TOP6BL: variants seen among roughly 807,000 people sequenced by gnomAD.
TOP6BL encodes TOP6B like initiator of meiotic double strand breaks, also known as type 2 DNA topoisomerase 6 subunit B-like.
the TOP6BL span, chr11:66,801,154 G>A: frequency 6.4e-7 from 1 of 1,550,562 alleles, no homozygotes; most frequent in African/African-American, 1.4e-5. Context: ...CTCCTCTCGA[G>A]TACGAATGTG....
At chr11:66,822,739 C>G in the TOP6BL span, 1 of 1,153,970 alleles carries the variant, frequency 8.7e-7, no homozygotes, top group East Asian at 2.6e-5. Flanking sequence ...TACGGTGGCT[C>G]ATGCCTATAA....
the TOP6BL span, chr11:66,800,688 G>C: frequency 2.5e-6 from 4 of 1,604,380 alleles, no homozygotes; most frequent in Non-Finnish European, 3.4e-6. Flanking sequence ...TCTCCACAGA[G>C]ATCTTTGGGT....
At chr11:66,792,308 C>T in the TOP6BL span, among the ~76,000 whole-genome samples, 1 of 152,186 alleles carries the variant, frequency 6.6e-6, no homozygotes, top group Non-Finnish European at 1.5e-5. Context: ...ATAAATTAGT[C>T]TGTCTCATCT....
At chr11:66,750,932 T>G in the TOP6BL span, among the ~76,000 whole-genome samples, 2 of 151,868 alleles carry the variant, frequency 1.3e-5, no homozygotes, top group Non-Finnish European at 2.9e-5. Flanking sequence ...CTGAAACCCC[T>G]GGGCTCAAGC....
chr11:66,839,315 G>A, the TOP6BL span: 4 of 406,426 alleles, frequency 9.8e-6, no homozygotes, highest in Non-Finnish European at 2.0e-5. Context: ...GGAAATTGAG[G>A]CCCACAGATA....
chr11:66,830,415 G>A, the TOP6BL span, among the ~76,000 whole-genome samples: 1 of 152,066 alleles, frequency 6.6e-6, no homozygotes, highest in East Asian at 1.9e-4. Context: ...AGTATTTAGA[G>A]GGGAAAATGC....
the TOP6BL span, among the ~76,000 whole-genome samples, chr11:66,746,707 T>C: frequency 6.7e-6 from 1 of 148,620 alleles, no homozygotes; most frequent in African/African-American, 2.5e-5. Context: ...AGAGCAAAAC[T>C]CCATCTCAAA....
At chr11:66,753,533 A>G in the TOP6BL span, among the ~76,000 whole-genome samples, 1 of 150,382 alleles carries the variant, frequency 6.6e-6, no homozygotes, top group Non-Finnish European at 1.5e-5. Context: ...CAGCCTCCCG[A>G]GTAGCTGGGA....
At chr11:66,801,015 T>A in the TOP6BL span, 3 of 1,612,670 alleles carry the variant, frequency 1.9e-6, no homozygotes, top group African/African-American at 4.0e-5. Flanking sequence ...TGGCTTAGCT[T>A]TGCTTTGCTT....
At chr11:66,789,646 A>C in the TOP6BL span, among the ~76,000 whole-genome samples, 1 of 152,196 alleles carries the variant, frequency 6.6e-6, no homozygotes, top group East Asian at 1.9e-4. Context: ...CAATTCTAGG[A>C]AATGAGGTTC....
the TOP6BL span, among the ~76,000 whole-genome samples, chr11:66,838,122 C>T: frequency 6.6e-6 from 1 of 152,134 alleles, no homozygotes; most frequent in Non-Finnish European, 1.5e-5. Context: ...CAGGCAGTAG[C>T]CAAGAGACTG....
At chr11:66,801,045 C>T in the TOP6BL span, 1 of 1,613,778 alleles carries the variant, frequency 6.2e-7, no homozygotes, top group Non-Finnish European at 8.5e-7. Flanking sequence ...GAGAATGAAC[C>T]CACTTTGAAC....
At chr11:66,791,577 A>G in the TOP6BL span, among the ~76,000 whole-genome samples, 9 of 152,188 alleles carry the variant, frequency 5.9e-5, no homozygotes, top group Non-Finnish European at 8.8e-5. Context: ...GTATAAGTTC[A>G]TATTTGAAAA....
At chr11:66,823,693 G>A in the TOP6BL span, among the ~76,000 whole-genome samples, 2 of 152,038 alleles carry the variant, frequency 1.3e-5, no homozygotes, top group African/African-American at 2.4e-5. Flanking sequence ...GGTGGTGCAC[G>A]CCTGTAGTCC....
At chr11:66,766,775 C>T in the TOP6BL span, among the ~76,000 whole-genome samples, 2 of 152,340 alleles carry the variant, frequency 1.3e-5, no homozygotes, top group East Asian at 3.9e-4. Context: ...GACATGTCTC[C>T]TAAACTCCAA....
the TOP6BL span, chr11:66,759,059 C>A: frequency 6.4e-7 from 1 of 1,569,646 alleles, no homozygotes; most frequent in Admixed American, 1.8e-5. Context: ...CTGCAGGAAG[C>A]CTTTTTGGTG....
At chr11:66,816,016 C>T in the TOP6BL span, 2 of 1,542,948 alleles carry the variant, frequency 1.3e-6, no homozygotes, top group Non-Finnish European at 8.8e-7. Context: ...AAGAGCTTTA[C>T]TTATCTTAGA....
chr11:66,745,315 G>T, the TOP6BL span, among the ~76,000 whole-genome samples: 3 of 138,460 alleles, frequency 2.2e-5, no homozygotes, highest in East Asian at 2.4e-4. Flanking sequence ...GGGGCGGGGT[G>T]GGGGGAGTCG....
the TOP6BL span, among the ~76,000 whole-genome samples, chr11:66,752,771 A>G: frequency 1.3e-5 from 2 of 152,084 alleles, no homozygotes; most frequent in Non-Finnish European, 2.9e-5. Flanking sequence ...AGCTTTTAGA[A>G]TCTTCTCTTT....
Sources: allele counts gnomAD v4.1 joint callset (sites outside exome capture counted in the v4.1 genomes callset), GRCh38; gene constraint gnomAD v4.1.1; transcripts MANE v1.5; gene names NCBI Gene and HGNC (gene_info 2026-07-23, HGNC 2026-07-21).